Variants in RAVER2 observed in about 807,000 individuals in gnomAD.
The protein encoded by RAVER2 is ribonucleoprotein, PTB binding 2, also known as ribonucleoprotein PTB-binding 2.
In RAVER2, 46 loss-of-function variants were observed where a neutral mutation model predicts 78.1. The ratio of observed to expected loss-of-function variants is 0.59; its 90% CI spans 0.46 to 0.75. The LOEUF is 0.75. Among genes scored for constraint, RAVER2 ranks in the 30% least tolerant of loss-of-function variants. The pLI, the probability that RAVER2 is intolerant of heterozygous loss-of-function variation, is 0.00. For synonymous variants in RAVER2, 311 were observed against 313.3 expected, an observed-to-expected ratio of 0.99 and a Z score of 0.08; for missense variants, 793 against 837.5, an observed-to-expected ratio of 0.95 and a Z score of 0.66.
rs750205889 is a variant in RAVER2, at chr1:64,781,463, G to A, written c.870G>A (p.Gln290=). Residue 290 remains glutamine, a synonymous_variant, in exon 4 of 12, where the codon CAG becomes CAA. Transcript: ENST00000294428. ...CGGAGCAGGCTGAAGAGGTCCAGCA[G>A]GCAGCAGACGGTATGACCATCAAGG... 3.7e-6 allele frequency: 6 copies of A among 1,613,928 alleles called. No individual in the cohort carries two copies. The African/African-American group carries it at 4.0e-5, about 11-fold the overall frequency.
chr1:64,810,234 C>T lies in RAVER2; in HGVS notation c.1681-2504C>T, dbSNP rs764668277. On this transcript the variant is annotated intron_variant, in intron 9 of 11. Transcript: ENST00000294428. ...TCTAATTTTCCAACATCCTTGCCAA[C>T]GCTTGTTTTCTGTTTTAGCTGTCTG... Among the ~76,000 whole-genome samples the T allele has an allele frequency of 5.3e-4, 80 of 152,194 alleles. 2 individuals carry two copies. The highest frequency in any genetic ancestry group is 2.6e-4 in the Admixed American group (4 of 15,276).
chr1:64,745,778 G>A lies in RAVER2; in HGVS notation c.249+357G>A, dbSNP rs1470789724. Among the ~76,000 whole-genome samples, 1 of 152,004 alleles carries A rather than the reference G, an allele frequency of 6.6e-6. No individual in the cohort carries two copies. The highest frequency in any genetic ancestry group is 2.4e-5 in the African/African-American group (1 of 41,386). Reference sequence around the variant, plus strand: ...GTTGTGGAGCACACATTTTGCGGGGGGGAGCGGGGGTAGAGGGGGCCGAAG... The same window carrying A: ...GTTGTGGAGCACACATTTTGCGGGGAGGAGCGGGGGTAGAGGGGGCCGAAG... On this transcript the variant is annotated intron_variant, in intron 1 of 11. Coordinates refer to ENST00000294428, the Ensembl canonical transcript of RAVER2. This position sits in a 1 kb window ranked among gnomAD's most constrained non-coding sequence, Gnocchi z 4.3.
At chr1:64,795,940 G>T (rs888202366) in intron 5 of RAVER2, among the ~76,000 whole-genome samples, 6 of 151,722 alleles carry the variant, frequency 4.0e-5, no homozygotes, top group African/African-American at 1.5e-4. Flanking sequence ...TTTTTTCACA[G>T]ATTTCTTTTA....
At chr1:64,760,348 A>G (rs867187381) in intron 1 of RAVER2, among the ~76,000 whole-genome samples, 6 of 152,316 alleles carry the variant, frequency 3.9e-5, no homozygotes, top group South Asian at 4.1e-4. Flanking sequence ...CCCCAGATCA[A>G]CTTCAGAGTC....
chr1:64,790,777 T>C (rs770999592), intron 5 of RAVER2, among the ~76,000 whole-genome samples: 1 of 152,214 alleles, frequency 6.6e-6, no homozygotes, highest in Non-Finnish European at 1.5e-5. Context: ...ACAGCAAATA[T>C]GTATAGAGCA....
exon 12 of RAVER2, chr1:64,832,899 G>A (rs1482623639): frequency 1.3e-5 from 2 of 153,148 alleles, no homozygotes; most frequent in African/African-American, 4.8e-5. Flanking sequence ...CAAACAAACA[G>A]AAGAAAGGAA....
chr1:64,822,818 TGTG>T (rs1301996166), intron 11 of RAVER2, among the ~76,000 whole-genome samples: 2 of 152,174 alleles, frequency 1.3e-5, no homozygotes, highest in Non-Finnish European at 2.9e-5. Flanking sequence ...ATAAACAAAA[TGTG>T]GTAATATCCA....
At chr1:64,764,188 A>C (rs1652109312) in intron 1 of RAVER2, among the ~76,000 whole-genome samples, 1 of 152,200 alleles carries the variant, frequency 6.6e-6, no homozygotes, top group African/African-American at 2.4e-5. Flanking sequence ...TAATATTAGC[A>C]CAGAATAGGC....
chr1:64,747,039 GTCTAT>G (rs1651559304), intron 1 of RAVER2, among the ~76,000 whole-genome samples: 1 of 152,160 alleles, frequency 6.6e-6, no homozygotes, highest in African/African-American at 2.4e-5. Flanking sequence ...AAGACGTTCT[GTCTAT>G]TCTTGCTTTG....
chr1:64,828,696 A>G (rs1348487457), intron 11 of RAVER2, among the ~76,000 whole-genome samples: 1 of 151,972 alleles, frequency 6.6e-6, no homozygotes, highest in African/African-American at 2.4e-5. Context: ...TGATAAAAAC[A>G]TAAAATTACT....
At chr1:64,767,209 GTCT>G (rs577560524) in intron 1 of RAVER2, among the ~76,000 whole-genome samples, 40 of 151,954 alleles carry the variant, frequency 2.6e-4, no homozygotes, top group Admixed American at 3.9e-4. Context: ...TTCAACTTCT[GTCT>G]TCTTATTTAT....
chr1:64,793,130 G>C (rs1652990497), intron 5 of RAVER2, among the ~76,000 whole-genome samples: 2 of 152,144 alleles, frequency 1.3e-5, no homozygotes. Flanking sequence ...TTGAACCCTG[G>C]AGGCGGAGGT....
At chr1:64,780,503 A>G (rs189608549) in intron 3 of RAVER2, among the ~76,000 whole-genome samples, 2 of 152,338 alleles carry the variant, frequency 1.3e-5, no homozygotes, top group East Asian at 3.9e-4. Context: ...AGAAGGACTA[A>G]GAAGTGATTT....
intron 1 of RAVER2, among the ~76,000 whole-genome samples, chr1:64,766,206 T>G (rs1221119405): frequency 6.6e-6 from 1 of 152,194 alleles, no homozygotes; most frequent in Non-Finnish European, 1.5e-5. Context: ...GATGACAAAG[T>G]GTTTTCATCA....
At chr1:64,791,355 C>T (rs1307730896) in intron 5 of RAVER2, among the ~76,000 whole-genome samples, 2 of 152,120 alleles carry the variant, frequency 1.3e-5, no homozygotes, top group Non-Finnish European at 2.9e-5. Context: ...GAAGGTCAGG[C>T]TGATATCACA....
chr1:64,800,360 C>A (rs1387786847), intron 5 of RAVER2, among the ~76,000 whole-genome samples: 1 of 152,054 alleles, frequency 6.6e-6, no homozygotes, highest in African/African-American at 2.4e-5. Context: ...AACATCTTTG[C>A]CCAGATCAGT....
intron 11 of RAVER2, among the ~76,000 whole-genome samples, chr1:64,829,499 C>A (rs1654075069): frequency 6.6e-6 from 1 of 152,172 alleles, no homozygotes; most frequent in African/African-American, 2.4e-5. Flanking sequence ...GAGAGAATAA[C>A]CAAGAGGCTG....
chr1:64,768,537 T>TC, intron 1 of RAVER2, 119 bp from the exon 2 acceptor site: 1 of 678,374 alleles, frequency 1.5e-6, no homozygotes, highest in East Asian at 2.7e-5. Flanking sequence ...GAAATAATTT[T>TC]TTTTTTTTAC....
intron 1 of RAVER2, among the ~76,000 whole-genome samples, chr1:64,757,601 C>T (rs1570528160): frequency 6.6e-6 from 1 of 152,144 alleles, no homozygotes; most frequent in South Asian, 2.1e-4. Flanking sequence ...GCCACTCAGT[C>T]TGTGGTAGTG....
Sources: gnomAD v4.1 joint callset for allele counts (sites outside exome capture counted in the v4.1 genomes callset) on GRCh38, gnomAD v4.1.1 for gene constraint, Gnocchi (gnomAD v3.1) non-coding constraint, MANE v1.5 for transcripts, NCBI Gene and HGNC (gene_info 2026-07-23, HGNC 2026-07-21) for gene names.